The following PAPPA2 variants were observed in gnomAD, a reference collection of about 807,000 sequenced individuals.
The protein encoded by PAPPA2 is pappalysin 2.
Under a neutral mutation model 176.4 loss-of-function variants are expected in PAPPA2, and 86 were observed. That is an observed-to-expected ratio of 0.49 (90% CI 0.41 to 0.58). PAPPA2 has a LOEUF of 0.58. PAPPA2 is among the 20% of genes least tolerant of loss of function. The pLI, the probability that PAPPA2 is intolerant of heterozygous loss-of-function variation, is 0.00. For missense variants in PAPPA2, 2,073 were observed against 2,256.9 expected (o/e 0.92, Z 1.65); for synonymous variants, 809 against 852.2 (o/e 0.95, Z 0.88).
intron 12 of PAPPA2, among the ~76,000 whole-genome samples, chr1:176,727,649 T>C (rs890045583): frequency 6.6e-6 from 1 of 152,008 alleles, no homozygotes; most frequent in African/African-American, 2.4e-5. Flanking sequence ...AGTAATTCAT[T>C]TAATAAGTAG....
intron 1 of PAPPA2, among the ~76,000 whole-genome samples, chr1:176,521,610 C>G (rs1649219151): frequency 6.6e-6 from 1 of 152,102 alleles, no homozygotes; most frequent in Non-Finnish European, 1.5e-5. Context: ...ATAATCAAAA[C>G]CTCTGGAATT....
intron 21 of PAPPA2, among the ~76,000 whole-genome samples, chr1:176,812,808 T>C (rs1305735273): frequency 6.6e-6 from 1 of 152,058 alleles, no homozygotes; most frequent in Non-Finnish European, 1.5e-5. Flanking sequence ...AGTTTAAGGG[T>C]ACATGTGCAG....
intron 3 of PAPPA2, among the ~76,000 whole-genome samples, 191 bp downstream of exon 3, chr1:176,595,786 A>G (rs1194088992): frequency 1.3e-5 from 2 of 152,192 alleles, no homozygotes; most frequent in African/African-American, 4.8e-5. Context: ...GATGACTGAG[A>G]AAAGAGACAG....
In PAPPA2 at chr1:176,629,024, C is replaced by A. The variant is rs532181894; in HGVS notation, c.1991+33429C>A. On this transcript the variant is annotated intron_variant, in intron 3 of 22. Coordinates refer to ENST00000367662, the MANE Select transcript of PAPPA2 (RefSeq NM_020318.3). ...TGATGTAAACAGACCAATCTGACCCCCATCTGTTGTGGTTTAGTATTTTCT... is the reference window on the plus strand; with the variant it reads ...TGATGTAAACAGACCAATCTGACCCACATCTGTTGTGGTTTAGTATTTTCT... Among the ~76,000 whole-genome samples the A allele has an allele frequency of 4.6e-5, 7 of 152,260 alleles. No homozygotes were observed. The South Asian group carries it at 1.5e-3, about 32-fold the overall frequency.
intron 21 of PAPPA2, among the ~76,000 whole-genome samples, chr1:176,831,166 G>C (rs78038111): frequency 2.0e-5 from 3 of 152,124 alleles, no homozygotes; most frequent in African/African-American, 7.2e-5. Context: ...AAGGAATAAA[G>C]GTGGTTGGGG....
At chr1:176,514,215 G>A (rs1648774774) in intron 1 of PAPPA2, among the ~76,000 whole-genome samples, 2 of 152,188 alleles carry the variant, frequency 1.3e-5, no homozygotes. Flanking sequence ...CATGGTGGAA[G>A]GTAAATGGGG....
intron 2 of PAPPA2, among the ~76,000 whole-genome samples, chr1:176,571,268 C>G (rs556380060): frequency 1.3e-5 from 2 of 152,312 alleles, no homozygotes; most frequent in African/African-American, 4.8e-5. Context: ...TGTCCTACCT[C>G]CACCTCCTCA....
intron 14 of PAPPA2, among the ~76,000 whole-genome samples, chr1:176,763,441 A>G (rs1663788951): frequency 6.6e-6 from 1 of 152,158 alleles, no homozygotes; most frequent in Non-Finnish European, 1.5e-5. Flanking sequence ...GTTTAATGAT[A>G]TTTTCATATT....
At chr1:176,624,810 A>G (rs2102699331) in intron 3 of PAPPA2, among the ~76,000 whole-genome samples, 1 of 152,322 alleles carries the variant, frequency 6.6e-6, no homozygotes, top group South Asian at 2.1e-4. Context: ...GTCTACTGGG[A>G]CTATTCAGGA....
At chr1:176,480,742 A>G (rs1254619825) in intron 1 of PAPPA2, among the ~76,000 whole-genome samples, 1 of 152,100 alleles carries the variant, frequency 6.6e-6, no homozygotes, top group Non-Finnish European at 1.5e-5. Flanking sequence ...CCATGACACT[A>G]GTTAGGACCA....
intron 1 of PAPPA2, among the ~76,000 whole-genome samples, chr1:176,535,609 G>A (rs1023743871): frequency 6.6e-6 from 1 of 152,174 alleles, no homozygotes; most frequent in Non-Finnish European, 1.5e-5. Context: ...CCAGGCCAGA[G>A]GAAGAGGGTG....
At chr1:176,616,739 CAT>C (rs1655284773) in intron 3 of PAPPA2, 1 of 1,332,738 alleles carries the variant, frequency 7.5e-7, no homozygotes, top group Admixed American at 1.7e-5. Context: ...TAGGAAATCT[CAT>C]GTTCTTGTAT....
intron 3 of PAPPA2, among the ~76,000 whole-genome samples, chr1:176,639,735 A>G (rs1249051197): frequency 6.9e-6 from 1 of 144,244 alleles, no homozygotes; most frequent in South Asian, 2.2e-4. Flanking sequence ...TTTTTTTGAG[A>G]TGGAGTTTCG....
At chr1:176,814,404 TC>T (rs1443653760) in intron 21 of PAPPA2, among the ~76,000 whole-genome samples, 4 of 152,204 alleles carry the variant, frequency 2.6e-5, no homozygotes, top group African/African-American at 9.6e-5. Flanking sequence ...TATTGATTCT[TC>T]CCATCCATGA....
At chr1:176,840,141 T>C (rs778692232) in intron 21 of PAPPA2, 32 bp from the exon 22 acceptor site, 2 of 1,511,996 alleles carry the variant, frequency 1.3e-6, no homozygotes, top group Non-Finnish European at 1.8e-6. Context: ...AATAAGGCTA[T>C]ACTGAGATGT....
At chr1:176,677,419 A>G (rs941676580) in intron 4 of PAPPA2, among the ~76,000 whole-genome samples, 3 of 152,204 alleles carry the variant, frequency 2.0e-5, no homozygotes, top group Admixed American at 6.6e-5. Flanking sequence ...TTGATTTGCC[A>G]TCAACACCAT....
chr1:176,477,289 A>G (rs908248507), intron 1 of PAPPA2, among the ~76,000 whole-genome samples: 13 of 152,094 alleles, frequency 8.5e-5, no homozygotes, highest in Non-Finnish European at 1.8e-4. Flanking sequence ...TTAAATTGTA[A>G]AACCAGGACT....
At chr1:176,567,416 C>A (rs184609994) in intron 2 of PAPPA2, among the ~76,000 whole-genome samples, 1 of 152,192 alleles carries the variant, frequency 6.6e-6, no homozygotes, top group Non-Finnish European at 1.5e-5. Context: ...TCAGAAGGAA[C>A]GTTGCAGAGC....
At chr1:176,768,603 T>C (rs1158539491) in intron 15 of PAPPA2, among the ~76,000 whole-genome samples, 1 of 152,182 alleles carries the variant, frequency 6.6e-6, no homozygotes, top group Non-Finnish European at 1.5e-5. Context: ...CTATTCTTCC[T>C]CCTTCACATG....
Sources: allele counts gnomAD v4.1 joint callset (sites outside exome capture counted in the v4.1 genomes callset), GRCh38; gene constraint gnomAD v4.1.1; transcripts MANE v1.5; gene names NCBI Gene and HGNC (gene_info 2026-07-23, HGNC 2026-07-21).